TRPM7: variants seen among roughly 807,000 people sequenced by gnomAD.
TRPM7 encodes transient receptor potential cation channel subfamily M member 7.
Under a neutral mutation model 229.7 loss-of-function variants are expected in TRPM7, and 134 were observed. The ratio of observed to expected loss-of-function variants is 0.58; its 90% CI spans 0.51 to 0.67. The LOEUF (loss-of-function observed/expected upper bound fraction) is 0.67. Ranked by LOEUF, TRPM7 falls within the 30% of genes least tolerant of loss-of-function variation. The probability of loss-of-function intolerance (pLI) is 0.00; values close to 1 mark genes in which losing one functional copy is unlikely to be tolerated. For synonymous variants in TRPM7, 699 were observed against 715.2 expected (o/e 0.98, Z 0.36); for missense variants, 1,901 against 2,210.0 (o/e 0.86, Z 2.80).
intron 33 of TRPM7, among the ~76,000 whole-genome samples, chr15:50,575,510 TG>T (rs889350807): frequency 6.6e-6 from 1 of 152,240 alleles, no homozygotes; most frequent in Non-Finnish European, 1.5e-5. Context: ...AATATATTGT[TG>T]CTTCTGAATA....
chr15:50,562,772 CAAA>C (rs537634338), intron 38 of TRPM7, among the ~76,000 whole-genome samples: 6 of 80,868 alleles, frequency 7.4e-5, no homozygotes, highest in Admixed American at 1.5e-4. Context: ...GATCCTGTCT[CAAA>C]AAAAAAAAAA....
At chr15:50,586,553 A>C (rs1596107461) in intron 27 of TRPM7, 65 bp from the exon 28 acceptor site, 2 of 1,041,226 alleles carry the variant, frequency 1.9e-6, no homozygotes, top group East Asian at 5.1e-5. Context: ...CATTACTCTA[A>C]GTAGTATTAG....
chr15:50,628,033 T>C, intron 11 of TRPM7, 116 bp downstream of exon 11: 2 of 725,096 alleles, frequency 2.8e-6, no homozygotes, highest in Admixed American at 2.6e-5. Flanking sequence ...TTAGCTAAAC[T>C]ATTTTTGAAC....
At chr15:50,656,482 T>C (rs533101267) in intron 3 of TRPM7, among the ~76,000 whole-genome samples, 1 of 151,026 alleles carries the variant, frequency 6.6e-6, no homozygotes, top group South Asian at 2.1e-4. Context: ...CATGCCAAGA[T>C]TTTTGTGTGT....
chr15:50,607,107 C>T (rs1008417201), intron 20 of TRPM7, 93 bp downstream of exon 20: 1 of 1,122,904 alleles, frequency 8.9e-7, no homozygotes. Context: ...CATACACACA[C>T]ACACCCCCCT....
chr15:50,676,968 T>C (rs1417815281), intron 1 of TRPM7, among the ~76,000 whole-genome samples: 2 of 152,222 alleles, frequency 1.3e-5, no homozygotes, highest in African/African-American at 4.8e-5. Context: ...CAGATATTCC[T>C]GCTGCCCATT....
At chr15:50,668,256 C>T (rs1006029950) in intron 1 of TRPM7, among the ~76,000 whole-genome samples, 4 of 152,172 alleles carry the variant, frequency 2.6e-5, no homozygotes, top group African/African-American at 9.6e-5. Flanking sequence ...GGAATGTTCA[C>T]GTGTATCAAA....
At chr15:50,652,840 A>AT (rs1246970505) in intron 3 of TRPM7, among the ~76,000 whole-genome samples, 2 of 152,120 alleles carry the variant, frequency 1.3e-5, no homozygotes, top group African/African-American at 2.4e-5. Context: ...TCTCAAAAAA[A>AT]GAAAAAAAGG....
chr15:50,561,356 T>C lies in TRPM7; in HGVS notation c.*322A>G, dbSNP rs758856314. The C allele has an allele frequency of 5.1e-5, 11 of 216,468 alleles. No homozygotes were observed. Among genetic ancestry groups the C allele is most frequent in the African/African-American group, 2.1e-4 (9 of 43,442 alleles). 13.4% of individuals were successfully genotyped at this position (216,468 alleles called of 1,614,324 possible). On this transcript the variant is annotated 3_prime_UTR_variant, in exon 39 of 39. Coordinates refer to ENST00000646667, the MANE Select transcript of TRPM7 (RefSeq NM_017672.6). ...GGACACCTACCTTTGGTTAATGGTATTGTACCACATAAGAGAGAGCATCAC... is the reference window on the plus strand; with the variant it reads ...GGACACCTACCTTTGGTTAATGGTACTGTACCACATAAGAGAGAGCATCAC...
intron 26 of TRPM7, 99 bp from the exon 27 acceptor site, chr15:50,589,755 G>T: frequency 1.4e-6 from 1 of 718,880 alleles, no homozygotes; most frequent in Non-Finnish European, 2.3e-6. Context: ...GGTTTATGCT[G>T]TTTTTCAAGT....
At chr15:50,573,211 G>A (rs1004253130) in intron 36 of TRPM7, among the ~76,000 whole-genome samples, 1 of 152,132 alleles carries the variant, frequency 6.6e-6, no homozygotes, top group Non-Finnish European at 1.5e-5. Flanking sequence ...CTTGAATGTG[G>A]GCTACCCTTG....
At chr15:50,634,725 C>A (rs1392443145) in intron 7 of TRPM7, among the ~76,000 whole-genome samples, 169 bp from the exon 8 acceptor site, 1 of 152,068 alleles carries the variant, frequency 6.6e-6, no homozygotes, top group African/African-American at 2.4e-5. Context: ...TTAAGCACTC[C>A]ACCTGATACC....
In TRPM7 at chr15:50,574,328, T is replaced by A. The variant is rs1218543243; in HGVS notation, c.5254A>T (p.Ser1752Cys). 6.2e-7 allele frequency: 1 copy of A among 1,614,038 alleles called. No homozygotes were observed. ...NTLEEIMLAFSHWTYEYTRGE... is the reference protein window; with the variant it reads ...NTLEEIMLAFCHWTYEYTRGE... ...CTTGTATATTCGTAAGTCCAGTGGC[T>A]AAAGGCTAGCATGATCTCTTCCAGA... is the stretch of plus-strand genomic sequence containing the variant. Residue 1752 changes from serine to cysteine, a missense_variant, in exon 36 of 39, where the codon AGC becomes TGC. By Grantham distance (112) the Ser-to-Cys change is moderately radical (BLOSUM62 -1). Coordinates refer to ENST00000646667, the MANE Select transcript of TRPM7 (RefSeq NM_017672.6).
intron 38 of TRPM7, among the ~76,000 whole-genome samples, chr15:50,567,915 A>C (rs2053677392): frequency 6.6e-6 from 1 of 151,824 alleles, no homozygotes; most frequent in Admixed American, 6.6e-5. Context: ...CCTCTACTAA[A>C]AATACAAAAA....
intron 3 of TRPM7, among the ~76,000 whole-genome samples, chr15:50,649,344 T>G (rs1184678455): frequency 6.7e-6 from 1 of 150,278 alleles, no homozygotes; most frequent in Non-Finnish European, 1.5e-5. Context: ...GAGACTAAGG[T>G]GGGAGGCTTG....
chr15:50,648,293 A>C (rs1034056205), intron 4 of TRPM7, among the ~76,000 whole-genome samples: 2 of 152,202 alleles, frequency 1.3e-5, no homozygotes, highest in African/African-American at 4.8e-5. Flanking sequence ...GAAAAAAAAC[A>C]GAACAAAGAA....
At chr15:50,585,391 C>G (rs1244071463) in intron 28 of TRPM7, among the ~76,000 whole-genome samples, 2 of 152,178 alleles carry the variant, frequency 1.3e-5, no homozygotes, top group Non-Finnish European at 2.9e-5. Flanking sequence ...CTTTACTGCT[C>G]TGGCTAGAAT....
intron 38 of TRPM7, among the ~76,000 whole-genome samples, chr15:50,569,667 C>T (rs953321611): frequency 6.6e-6 from 1 of 152,142 alleles, no homozygotes; most frequent in African/African-American, 2.4e-5. Flanking sequence ...TCCTGGCATT[C>T]TGCAGACACA....
chr15:50,636,558 A>G (rs2060914786), intron 7 of TRPM7, among the ~76,000 whole-genome samples: 1 of 152,010 alleles, frequency 6.6e-6, no homozygotes, highest in African/African-American at 2.4e-5. Flanking sequence ...TAGTTTTTTT[A>G]TTTCTATTTC....
Sources: gnomAD v4.1 joint callset for allele counts (sites outside exome capture counted in the v4.1 genomes callset) on GRCh38, gnomAD v4.1.1 for gene constraint, MANE v1.5 for transcripts, NCBI Gene and HGNC (gene_info 2026-07-23, HGNC 2026-07-21) for gene names.